The following TRPS1 variants were observed in gnomAD, a reference collection of about 807,000 sequenced individuals.
TRPS1 encodes the protein zinc finger transcription factor Trps1.
Under a neutral mutation model 101.2 loss-of-function variants are expected in TRPS1, and 6 were observed. That is an observed-to-expected ratio of 0.06 (90% CI 0.03 to 0.12). The LOEUF is 0.12. Ranked by LOEUF, TRPS1 falls within the 10% of genes least tolerant of loss-of-function variation. The pLI, the probability that TRPS1 is intolerant of heterozygous loss-of-function variation, is 1.00. For synonymous variants in TRPS1, 578 were observed against 589.8 expected (o/e 0.98, Z 0.29); for missense variants, 1,363 against 1,567.0 (o/e 0.87, Z 2.20).
At chr8:115,650,509 G>T (rs1811535848) in intron 1 of TRPS1, among the ~76,000 whole-genome samples, 2 of 152,130 alleles carry the variant, frequency 1.3e-5, no homozygotes, top group Admixed American at 1.3e-4. Context: ...TTCCAGAGCT[G>T]TTTAAAGTAA....
At chr8:115,654,780 A>G (rs1179226835) in intron 1 of TRPS1, among the ~76,000 whole-genome samples, 1 of 152,228 alleles carries the variant, frequency 6.6e-6, no homozygotes, top group East Asian at 1.9e-4. Context: ...GATTTTTCAC[A>G]GTAATTCTTT....
At chr8:115,623,466 G>A (rs375830300) in intron 2 of TRPS1, 135 bp downstream of exon 2, 66 of 939,280 alleles carry the variant, frequency 7.0e-5, no homozygotes, top group East Asian at 3.0e-4. Flanking sequence ...CTAGCGAGTC[G>A]TAAGTTAGAT....
At chr8:115,597,241 C>T (rs1817808248) in intron 4 of TRPS1, among the ~76,000 whole-genome samples, 1 of 151,882 alleles carries the variant, frequency 6.6e-6, no homozygotes, top group Admixed American at 6.6e-5. Flanking sequence ...ATTTGCCTTC[C>T]AAAGTAGTAT....
intron 5 of TRPS1, among the ~76,000 whole-genome samples, chr8:115,524,720 G>A (rs908492623): frequency 2.0e-5 from 3 of 151,934 alleles, no homozygotes; most frequent in Non-Finnish European, 2.9e-5. Flanking sequence ...ACAAACAATA[G>A]AAAGTTCTAA....
chr8:115,575,728 T>A (rs1817302901), intron 5 of TRPS1, among the ~76,000 whole-genome samples: 1 of 152,110 alleles, frequency 6.6e-6, no homozygotes, highest in Admixed American at 6.6e-5. Context: ...ATAATTCATA[T>A]ATGAGTAATG....
intron 5 of TRPS1, among the ~76,000 whole-genome samples, chr8:115,542,004 G>T (rs1441688843): frequency 6.6e-6 from 1 of 152,152 alleles, no homozygotes; most frequent in Admixed American, 6.5e-5. Flanking sequence ...AGAACAATTT[G>T]CCATAGAACT....
At chr8:115,457,974 T>C (rs952046508) in intron 5 of TRPS1, among the ~76,000 whole-genome samples, 2 of 152,168 alleles carry the variant, frequency 1.3e-5, no homozygotes, top group African/African-American at 4.8e-5. Context: ...AAGTAAAAAT[T>C]GCAGTCCCTT....
chr8:115,575,195 A>G (rs1817289445), intron 5 of TRPS1, among the ~76,000 whole-genome samples: 2 of 152,168 alleles, frequency 1.3e-5, no homozygotes, highest in South Asian at 4.1e-4. Flanking sequence ...AGCAAAAAAT[A>G]GAAATAAATG....
intron 5 of TRPS1, among the ~76,000 whole-genome samples, chr8:115,474,512 T>G (rs1427794961): frequency 1.3e-5 from 2 of 152,128 alleles, no homozygotes; most frequent in Non-Finnish European, 2.9e-5. Flanking sequence ...ACTTTACTTC[T>G]CTCATATTGT....
At chr8:115,577,082 C>T (rs954631383) in intron 5 of TRPS1, among the ~76,000 whole-genome samples, 4 of 151,996 alleles carry the variant, frequency 2.6e-5, no homozygotes, top group Non-Finnish European at 5.9e-5. Context: ...GCCAGTATTG[C>T]CTTCAATTAT....
intron 5 of TRPS1, among the ~76,000 whole-genome samples, chr8:115,544,873 G>A (rs1816534365): frequency 9.7e-6 from 1 of 103,214 alleles, no homozygotes. Context: ...AGAAGGTGGA[G>A]GGAAAGGACA....
At chr8:115,601,621 T>G (rs1416138913) in intron 4 of TRPS1, among the ~76,000 whole-genome samples, 1 of 152,216 alleles carries the variant, frequency 6.6e-6, no homozygotes, top group Non-Finnish European at 1.5e-5. Context: ...TAATGCCCTA[T>G]GGACAAGTGC....
intron 5 of TRPS1, among the ~76,000 whole-genome samples, chr8:115,448,509 C>G (rs551937357): frequency 1.3e-5 from 2 of 152,178 alleles, no homozygotes; most frequent in South Asian, 2.1e-4. Context: ...GCTCTCTTTC[C>G]GGCTATTCTT....
At chr8:115,511,168 T>C (rs919048272) in intron 5 of TRPS1, 1 of 151,900 alleles carries the variant, frequency 6.6e-6, no homozygotes, top group African/African-American at 2.4e-5. Context: ...AGGTAAAACA[T>C]GGACTTTTGT....
At chr8:115,431,312 T>C (rs1426629951) in intron 5 of TRPS1, among the ~76,000 whole-genome samples, 1 of 152,098 alleles carries the variant, frequency 6.6e-6, no homozygotes, top group African/African-American at 2.4e-5. Context: ...ATATCTATGT[T>C]AATGTGCATA....
intron 5 of TRPS1, among the ~76,000 whole-genome samples, chr8:115,471,465 G>C (rs1041352115): frequency 6.6e-6 from 1 of 152,126 alleles, no homozygotes; most frequent in African/African-American, 2.4e-5. Context: ...TCCCTCCCAG[G>C]ACATGTGAAG....
chr8:115,565,958 T>C (rs1229858876), intron 5 of TRPS1, among the ~76,000 whole-genome samples: 1 of 152,160 alleles, frequency 6.6e-6, no homozygotes, highest in African/African-American at 2.4e-5. Context: ...ATTTTTAAGT[T>C]CTCATATGAA....
chr8:115,462,625 C>G (rs1441464175), intron 5 of TRPS1, among the ~76,000 whole-genome samples: 2 of 49,782 alleles, frequency 4.0e-5, no homozygotes, highest in African/African-American at 1.3e-4. Context: ...TTTTTCTTTT[C>G]TCTCTCTCTC....
intron 5 of TRPS1, among the ~76,000 whole-genome samples, chr8:115,519,239 C>T (rs1034766192): frequency 6.6e-6 from 1 of 151,658 alleles, no homozygotes; most frequent in East Asian, 1.9e-4. Flanking sequence ...TAAAGGCACG[C>T]ATTGTGAAAA....
Sources: allele counts gnomAD v4.1 joint callset (sites outside exome capture counted in the v4.1 genomes callset), GRCh38; gene constraint gnomAD v4.1.1; transcripts MANE v1.5; gene names NCBI Gene and HGNC (gene_info 2026-07-23, HGNC 2026-07-21).